LRRK1: variants seen among roughly 807,000 people sequenced by gnomAD.
LRRK1 encodes the protein leucine rich repeat kinase 1.
In LRRK1, 113 loss-of-function variants were observed where a neutral mutation model predicts 209.1. The ratio of observed to expected loss-of-function variants is 0.54; its 90% CI spans 0.46 to 0.63. LRRK1 has a LOEUF of 0.63. Among genes scored for constraint, LRRK1 ranks in the 30% least tolerant of loss-of-function variants. The pLI is 0.00. For synonymous variants in LRRK1, 1,144 were observed against 1,099.7 expected (o/e 1.04, Z -0.80); for missense variants, 2,284 against 2,632.2 (o/e 0.87, Z 2.89).
intron 13 of LRRK1, among the ~76,000 whole-genome samples, chr15:101,021,550 C>T (rs1025565484): frequency 3.9e-5 from 6 of 151,996 alleles, no homozygotes; most frequent in African/African-American, 9.7e-5. Flanking sequence ...ATCGCCTTCT[C>T]GGGAAGAGGT....
At chr15:101,009,189 A>T in intron 7 of LRRK1, 126 bp downstream of exon 7, 1 of 744,174 alleles carries the variant, frequency 1.3e-6, no homozygotes, top group Non-Finnish European at 2.2e-6. Flanking sequence ...TAGGAGAAGG[A>T]GTTTTGCCTA....
Position 100,983,602 on chromosome 15 carries a change from G to A in LRRK1, c.336G>A (p.Val112=). 6.2e-7 allele frequency: 1 copy of A among 1,612,318 alleles called. No individual in the cohort carries two copies. Among genetic ancestry groups the A allele is most frequent in the East Asian group, 2.2e-5 (1 of 44,862 alleles). Residue 112 remains valine, a synonymous_variant, in exon 4 of 34, where the codon GTG becomes GTA. Coordinates refer to ENST00000388948, the MANE Select transcript of LRRK1 (RefSeq NM_024652.6). ...GCTACCTACTCAGCAAGAGACTGGT[G>A]GAGCTGCCCACCGAGCCCACGGATG... is the stretch of plus-strand genomic sequence containing the variant. ...MVRYLLSKRL[V]ELPTEPTDDN...
chr15:101,060,892 G>A (rs1022297158), intron 29 of LRRK1, among the ~76,000 whole-genome samples: 6 of 152,256 alleles, frequency 3.9e-5, no homozygotes, highest in East Asian at 1.9e-4. Flanking sequence ...GGATATGGCC[G>A]GCGGGAGGGC....
At chr15:100,980,058 A>G (rs569284771) in intron 3 of LRRK1, among the ~76,000 whole-genome samples, 1 of 152,224 alleles carries the variant, frequency 6.6e-6, no homozygotes, top group African/African-American at 2.4e-5. Flanking sequence ...CTTATGAACC[A>G]GCAATTGAAC....
intron 3 of LRRK1, among the ~76,000 whole-genome samples, chr15:100,981,323 A>G (rs1414564931): frequency 2.6e-5 from 4 of 152,200 alleles, no homozygotes; most frequent in Non-Finnish European, 5.9e-5. Flanking sequence ...GAAGCATTTA[A>G]TCAATCACTG....
chr15:100,991,306 A>G (rs2141672651), intron 6 of LRRK1, among the ~76,000 whole-genome samples: 1 of 152,264 alleles, frequency 6.6e-6, no homozygotes, highest in South Asian at 2.1e-4. Flanking sequence ...AGATATCTTG[A>G]CTGGACTATT....
intron 2 of LRRK1, among the ~76,000 whole-genome samples, chr15:100,959,409 C>T (rs1455265225): frequency 6.6e-6 from 1 of 152,186 alleles, no homozygotes; most frequent in East Asian, 1.9e-4. Flanking sequence ...CACGTGCAGG[C>T]GGAGAAAGGA....
At chr15:101,006,662 C>G (rs965457108) in intron 6 of LRRK1, among the ~76,000 whole-genome samples, 1 of 152,004 alleles carries the variant, frequency 6.6e-6, no homozygotes, top group Admixed American at 6.5e-5. Context: ...GGGATACATG[C>G]TGAAGTATTT....
At chr15:100,990,903 C>T (rs966545786) in intron 6 of LRRK1, among the ~76,000 whole-genome samples, 1 of 152,144 alleles carries the variant, frequency 6.6e-6, no homozygotes, top group African/African-American at 2.4e-5. Flanking sequence ...GCCACTTTCC[C>T]TCTAATTTTA....
In LRRK1 at chr15:101,066,138, G is replaced by C. The variant is rs558418183; in HGVS notation, c.5701G>C (p.Glu1901Gln). ...GCATGACCTGACCCCCATGGACGGG[G>C]AGACCTTCAGCCAGCACCTGCAGGC... ...SEHDLTPMDG[E>Q]TFSQHLQAVK... Residue 1901 changes from glutamate (E) to glutamine (Q), a missense_variant, in exon 32 of 34, where the codon GAG (glutamate) becomes CAG (glutamine). Around this residue, in one of 6 missense-constraint regions of LRRK1, gnomAD observed 643 missense variants for 695.9 expected, o/e 0.92. Coordinates refer to ENST00000388948, the MANE Select transcript of LRRK1 (RefSeq NM_024652.6). 3.7e-6 allele frequency: 6 copies of C among 1,614,022 alleles called. No homozygotes were observed. The South Asian group carries it at 4.4e-5, about 12-fold the overall frequency.
At chr15:100,938,742 C>T (rs1331908070) in intron 2 of LRRK1, among the ~76,000 whole-genome samples, 1 of 152,144 alleles carries the variant, frequency 6.6e-6, no homozygotes, top group African/African-American at 2.4e-5. Flanking sequence ...TGTATGCCCA[C>T]AATAGCATGC....
intron 6 of LRRK1, among the ~76,000 whole-genome samples, chr15:101,002,011 T>G (rs2032718149): frequency 6.6e-6 from 1 of 152,190 alleles, no homozygotes; most frequent in African/African-American, 2.4e-5. Flanking sequence ...CCAGGAATCG[T>G]TTTCGGAGTC....
rs894769015 is a variant in LRRK1, at chr15:101,076,668, T to C, written c.*7820T>C. On this transcript the variant is annotated 3_prime_UTR_variant, in exon 34 of 34. Coordinates refer to ENST00000388948, the MANE Select transcript of LRRK1 (RefSeq NM_024652.6). ...CCTCAAGGAAATAACTTCTCAGTGT[T>C]CCATCTGCTATTCTACTGCTCCTCA... 5 of 152,278 alleles carry C rather than the reference T, an allele frequency of 3.3e-5. No homozygotes were observed. Among genetic ancestry groups the C allele is most frequent in the African/African-American group, 1.2e-4 (5 of 41,428 alleles). 9.4% of individuals were successfully genotyped at this position (152,278 alleles called of 1,614,324 possible).
chr15:101,048,746 G>C (rs2035224857), intron 22 of LRRK1, 89 bp downstream of exon 22: 1 of 1,171,264 alleles, frequency 8.5e-7, no homozygotes, highest in Non-Finnish European at 1.2e-6. Flanking sequence ...TCATCCTCTT[G>C]GTGTCCAGAA....
intron 7 of LRRK1, 76 bp from the exon 8 acceptor site, chr15:101,010,374 G>T: frequency 6.6e-7 from 1 of 1,520,696 alleles, no homozygotes; most frequent in South Asian, 1.2e-5. Flanking sequence ...TACACCTCTT[G>T]GTTTATAGAA....
At chr15:101,002,973 C>T (rs1247011799) in intron 6 of LRRK1, among the ~76,000 whole-genome samples, 1 of 152,234 alleles carries the variant, frequency 6.6e-6, no homozygotes. Flanking sequence ...TTCAAGTGAT[C>T]CACCTGCCTT....
intron 2 of LRRK1, among the ~76,000 whole-genome samples, chr15:100,931,662 A>C (rs2042214502): frequency 6.6e-6 from 1 of 152,200 alleles, no homozygotes; most frequent in African/African-American, 2.4e-5. Flanking sequence ...AGGCCAGGGC[A>C]GGGCTCCTCC....
chr15:100,934,961 CAGA>C (rs905774906), intron 2 of LRRK1, among the ~76,000 whole-genome samples: 10 of 152,058 alleles, frequency 6.6e-5, no homozygotes, highest in South Asian at 2.1e-4. Flanking sequence ...CTCAGTTGAC[CAGA>C]AGGAGGCAGC....
intron 1 of LRRK1, among the ~76,000 whole-genome samples, chr15:100,920,900 C>T (rs1356286965): frequency 6.6e-6 from 1 of 152,196 alleles, no homozygotes; most frequent in Non-Finnish European, 1.5e-5. Context: ...CTGTCTCGGA[C>T]CACCAGGCCA....
Sources: allele counts gnomAD v4.1 joint callset (sites outside exome capture counted in the v4.1 genomes callset), GRCh38; gene constraint gnomAD v4.1.1; regional missense constraint gnomAD v4.1.1; transcripts MANE v1.5; gene names NCBI Gene and HGNC (gene_info 2026-07-23, HGNC 2026-07-21).